PEX5L: variants seen among roughly 807,000 people sequenced by gnomAD.
The protein encoded by PEX5L is peroxisomal biogenesis factor 5 like, also known as PEX5-related protein.
PEX5L carries 30 observed loss-of-function variants against 84.0 expected under a neutral mutation model. The ratio of observed to expected loss-of-function variants is 0.36; its 90% CI spans 0.27 to 0.48. The LOEUF is 0.48. Among genes scored for constraint, PEX5L ranks in the 20% least tolerant of loss-of-function variants. The pLI, the probability that PEX5L is intolerant of heterozygous loss-of-function variation, is 0.99. For missense variants in PEX5L, 533 were observed against 754.6 expected (o/e 0.71, Z 3.44); for synonymous variants, 270 against 283.1 (o/e 0.95, Z 0.46).
intron 7 of PEX5L, among the ~76,000 whole-genome samples, chr3:179,866,491 C>A (rs1237637325): frequency 6.6e-6 from 1 of 152,160 alleles, no homozygotes; most frequent in Non-Finnish European, 1.5e-5. Flanking sequence ...CCTATAAGGA[C>A]TGATGATAAC....
At chr3:179,915,713 G>C (rs1371250231) in intron 2 of PEX5L, among the ~76,000 whole-genome samples, 1 of 152,180 alleles carries the variant, frequency 6.6e-6, no homozygotes, top group Non-Finnish European at 1.5e-5. Flanking sequence ...GAAGATGGCT[G>C]TGTATGAGAT....
intron 1 of PEX5L, among the ~76,000 whole-genome samples, chr3:180,012,033 T>A (rs1192035607): frequency 6.6e-6 from 1 of 152,200 alleles, no homozygotes; most frequent in African/African-American, 2.4e-5. Flanking sequence ...TTTGATTTTT[T>A]CCTCTTATCA....
At chr3:179,991,719 T>C (rs371784604) in intron 1 of PEX5L, among the ~76,000 whole-genome samples, 5 of 152,288 alleles carry the variant, frequency 3.3e-5, no homozygotes, top group African/African-American at 1.2e-4. Flanking sequence ...TTTCCCTCTA[T>C]GTATAAACAG....
chr3:180,009,713 C>A (rs1020903332), intron 1 of PEX5L, among the ~76,000 whole-genome samples: 10 of 151,808 alleles, frequency 6.6e-5, no homozygotes, highest in Admixed American at 4.6e-4. Context: ...TAGTTCCATG[C>A]CTAGCTCTAT....
rs1553807980 is a variant in PEX5L, at chr3:179,797,605, A to AAAT, written c.*4222_*4223insATT. 609 of 89,132 alleles carry AAAT rather than the reference A, an allele frequency of 6.8e-3. 2 individuals carry two copies. Among genetic ancestry groups the AAAT allele is most frequent in the South Asian group, 0.023 (58 of 2,512 alleles). 5.5% of individuals were successfully genotyped at this position (89,132 alleles called of 1,614,324 possible). A position where few individuals can be genotyped will look rare whatever the true frequency, so the allele number is the denominator to read the frequency against. On this transcript the variant is annotated 3_prime_UTR_variant, in exon 15 of 15. Coordinates refer to ENST00000467460, the MANE Select transcript of PEX5L (RefSeq NM_016559.3). ...AACACTCTTTAAAAAAAAAAAAAAA[A>AAAT]ATATATATATATATATATATATATA...
intron 1 of PEX5L, among the ~76,000 whole-genome samples, chr3:179,993,111 CTAATA>C (rs1787542371): frequency 6.6e-6 from 1 of 151,884 alleles, no homozygotes; most frequent in Non-Finnish European, 1.5e-5. Flanking sequence ...GAAAGAAAAA[CTAATA>C]TAACCACCAG....
intron 1 of PEX5L, among the ~76,000 whole-genome samples, chr3:179,996,804 T>A (rs1579280690): frequency 1.3e-5 from 2 of 152,140 alleles, no homozygotes; most frequent in South Asian, 4.1e-4. Flanking sequence ...AAAGGCAAGG[T>A]GGGCGTAGCT....
chr3:179,950,247 C>G (rs1778707644), intron 2 of PEX5L, among the ~76,000 whole-genome samples: 1 of 151,968 alleles, frequency 6.6e-6, no homozygotes, highest in Non-Finnish European at 1.5e-5. Context: ...TTAGAAAACA[C>G]CTCTTTCAAG....
intron 1 of PEX5L, among the ~76,000 whole-genome samples, chr3:179,996,504 T>C (rs906190933): frequency 2.6e-5 from 4 of 152,148 alleles, no homozygotes; most frequent in Non-Finnish European, 4.4e-5. Flanking sequence ...CTTGGCTTAA[T>C]GTAGAGGAAG....
intron 1 of PEX5L, among the ~76,000 whole-genome samples, chr3:179,999,209 T>TTTGGGGAAAA (rs1788166501): frequency 6.6e-6 from 1 of 152,180 alleles, no homozygotes; most frequent in East Asian, 1.9e-4. Context: ...GGTATGTGGA[T>TTTGGGGAAAA]GGACCTCTCT....
chr3:179,876,248 C>T (rs552490048), intron 5 of PEX5L, among the ~76,000 whole-genome samples: 1 of 152,126 alleles, frequency 6.6e-6, no homozygotes, highest in African/African-American at 2.4e-5. Flanking sequence ...AATCCCAGCA[C>T]ATTGGGAGGC....
At chr3:179,816,767 GATTA>G (rs1449362022) in intron 9 of PEX5L, among the ~76,000 whole-genome samples, 5 of 151,302 alleles carry the variant, frequency 3.3e-5, no homozygotes, top group Admixed American at 6.6e-5. Context: ...TATTTATTTT[GATTA>G]ATTATTATTT....
intron 2 of PEX5L, among the ~76,000 whole-genome samples, chr3:179,970,469 G>C (rs545728690): frequency 1.3e-5 from 2 of 152,242 alleles, no homozygotes; most frequent in East Asian, 3.9e-4. Flanking sequence ...TTACCCAGGA[G>C]CAGGAGAGCA....
chr3:179,884,684 C>T (rs1409767716), intron 4 of PEX5L, among the ~76,000 whole-genome samples: 1 of 152,166 alleles, frequency 6.6e-6, no homozygotes, highest in Non-Finnish European at 1.5e-5. Flanking sequence ...CTTGCACAGT[C>T]CTCTCTAGAC....
intron 3 of PEX5L, chr3:179,888,025 T>TC (rs1231350822): frequency 2.6e-5 from 22 of 859,058 alleles, no homozygotes; most frequent in Non-Finnish European, 3.6e-5. Flanking sequence ...AAGCCTTTCC[T>TC]CCCCCCTCCT....
At chr3:179,906,278 G>T (rs1488389383) in intron 2 of PEX5L, among the ~76,000 whole-genome samples, 1 of 152,088 alleles carries the variant, frequency 6.6e-6, no homozygotes, top group Non-Finnish European at 1.5e-5. Context: ...TTACCACAAT[G>T]GTCAAGGCAA....
chr3:179,960,145 C>A (rs894013139), intron 2 of PEX5L, among the ~76,000 whole-genome samples: 6 of 152,112 alleles, frequency 3.9e-5, no homozygotes, highest in Non-Finnish European at 5.9e-5. Context: ...GTTCTCTTAC[C>A]ATTTGGATTC....
chr3:179,831,905 C>G (rs964057463), intron 8 of PEX5L, among the ~76,000 whole-genome samples: 1 of 152,126 alleles, frequency 6.6e-6, no homozygotes, highest in African/African-American at 2.4e-5. Context: ...ATAGAATATT[C>G]AAGATCAGAA....
intron 14 of PEX5L, among the ~76,000 whole-genome samples, chr3:179,802,977 G>C (rs1421965481): frequency 1.3e-5 from 2 of 152,152 alleles, no homozygotes; most frequent in Non-Finnish European, 2.9e-5. Flanking sequence ...TCTTATCACT[G>C]AGTAAGATCA....
Sources: allele counts gnomAD v4.1 joint callset (sites outside exome capture counted in the v4.1 genomes callset), GRCh38; gene constraint gnomAD v4.1.1; transcripts MANE v1.5; gene names NCBI Gene and HGNC (gene_info 2026-07-23, HGNC 2026-07-21).